CRIM1: variants seen among roughly 807,000 people sequenced by gnomAD.
CRIM1 encodes the protein cysteine-rich motor neuron 1 protein.
In CRIM1, 32 loss-of-function variants were observed where a neutral mutation model predicts 116.4. That is an observed-to-expected ratio of 0.27 (90% CI 0.21 to 0.37). The LOEUF (loss-of-function observed/expected upper bound fraction) is 0.37. CRIM1 is among the 10% of genes least tolerant of loss of function. The pLI is 1.00. For synonymous variants in CRIM1, 590 were observed against 509.2 expected (o/e 1.16, Z -2.13); for missense variants, 1,331 against 1,354.8 (o/e 0.98, Z 0.28).
chr2:36,456,427 A>T lies in CRIM1; in HGVS notation c.870-8107A>T, dbSNP rs531129139. On this transcript the variant is annotated intron_variant, in intron 4 of 16. Coordinates refer to ENST00000280527, the MANE Select transcript of CRIM1 (RefSeq NM_016441.3). ...GGAATAACCTATGTTGCTAAACTAA[A>T]ACTTATTCTCCACTTCCCAGCCCAG... Among the ~76,000 whole-genome samples the T allele has an allele frequency of 7.9e-5, 12 of 152,316 alleles. No individual in the cohort carries two copies. The East Asian group carries it at 1.2e-3, about 15-fold the overall frequency.
At chr2:36,505,849 G>T (rs893363632) in intron 8 of CRIM1, among the ~76,000 whole-genome samples, 7 of 152,146 alleles carry the variant, frequency 4.6e-5, no homozygotes, top group African/African-American at 1.7e-4. Flanking sequence ...AGCAAACATT[G>T]TAAGGAGCAC....
At chr2:36,379,213 A>G (rs1339298380) in intron 1 of CRIM1, 1 of 152,206 alleles carries the variant, frequency 6.6e-6, no homozygotes, top group Non-Finnish European at 1.5e-5. Flanking sequence ...AATGAAATAA[A>G]TTTATCAGTG....
intron 2 of CRIM1, among the ~76,000 whole-genome samples, chr2:36,423,393 C>A (rs1236740826): frequency 1.3e-5 from 2 of 152,214 alleles, no homozygotes; most frequent in Non-Finnish European, 2.9e-5. Context: ...TTGAGACACA[C>A]CCTCTGCTCA....
chr2:36,413,677 C>G (rs2124821240), intron 2 of CRIM1, among the ~76,000 whole-genome samples: 1 of 152,324 alleles, frequency 6.6e-6, no homozygotes, highest in Non-Finnish European at 1.5e-5. Flanking sequence ...TCAGCGATCT[C>G]TTATTTTGAG....
intron 2 of CRIM1, among the ~76,000 whole-genome samples, chr2:36,413,651 T>A (rs1229573271): frequency 6.6e-6 from 1 of 152,208 alleles, no homozygotes; most frequent in African/African-American, 2.4e-5. Context: ...TCAATGGATA[T>A]GTACTAAAAA....
At position 36,428,408 on chromosome 2, in the gene CRIM1, G is replaced by T. The variant is rs146559212; in HGVS notation, c.506-12850G>T. Reference sequence around the variant, plus strand: ...GTAATATTGATTCCCCTATTCTCTTGTAGTTAAAGCTTCAAATCTCTAATT... The same window carrying T: ...GTAATATTGATTCCCCTATTCTCTTTTAGTTAAAGCTTCAAATCTCTAATT... On this transcript the variant is annotated intron_variant, in intron 2 of 16. Coordinates refer to ENST00000280527, the MANE Select transcript of CRIM1 (RefSeq NM_016441.3). Among the ~76,000 whole-genome samples the T allele has an allele frequency of 2.6e-5, 4 of 152,284 alleles. 1 individual carries two copies. In the South Asian group the frequency reaches 6.2e-4, roughly 24 times the overall value.
chr2:36,492,454 G>A (rs1022351276), intron 7 of CRIM1, among the ~76,000 whole-genome samples: 3 of 152,048 alleles, frequency 2.0e-5, no homozygotes, highest in Non-Finnish European at 4.4e-5. Flanking sequence ...TCCAGATTAG[G>A]GAATTTTTGT....
intron 2 of CRIM1, among the ~76,000 whole-genome samples, chr2:36,424,892 C>T (rs773154946): frequency 6.6e-6 from 1 of 152,190 alleles, no homozygotes; most frequent in African/African-American, 2.4e-5. Flanking sequence ...CTGCAGTCAC[C>T]TCTTTGATTA....
chr2:36,374,767 G>A (rs1419512475), intron 1 of CRIM1, among the ~76,000 whole-genome samples: 8 of 152,210 alleles, frequency 5.3e-5, no homozygotes, highest in Admixed American at 4.6e-4. Context: ...ACAGATAGCT[G>A]TGATTGTGTC....
chr2:36,431,554 G>A (rs1460746072), intron 2 of CRIM1, among the ~76,000 whole-genome samples: 1 of 152,048 alleles, frequency 6.6e-6, no homozygotes, highest in Non-Finnish European at 1.5e-5. Flanking sequence ...TAATACCCTT[G>A]GTTTATTGTT....
At chr2:36,423,294 G>T (rs185099498) in intron 2 of CRIM1, among the ~76,000 whole-genome samples, 3 of 152,186 alleles carry the variant, frequency 2.0e-5, no homozygotes, top group East Asian at 1.9e-4. Context: ...ACCACCCAGG[G>T]TTTCCTATAG....
chr2:36,522,411 T>G (rs1665456204), intron 13 of CRIM1, 98 bp downstream of exon 13: 2 of 947,826 alleles, frequency 2.1e-6, no homozygotes, highest in African/African-American at 3.2e-5. Context: ...TTGAAACTGG[T>G]TTTTTCCCTG....
At chr2:36,457,827 TTTAA>T (rs898279391) in intron 4 of CRIM1, among the ~76,000 whole-genome samples, 1 of 152,192 alleles carries the variant, frequency 6.6e-6, no homozygotes, top group African/African-American at 2.4e-5. Context: ...GTACATCGAA[TTTAA>T]TTAAAGTTGC....
chr2:36,442,755 G>A lies in CRIM1; in HGVS notation c.869+20G>A. ...AACAAGGTTAGTTTGCCATTAGTTTGTCAAGTTTTCTCCTCATTTGTTAGC... is the reference window on the plus strand; with the variant it reads ...AACAAGGTTAGTTTGCCATTAGTTTATCAAGTTTTCTCCTCATTTGTTAGC... On this transcript the variant is annotated intron_variant, in intron 4 of 16. Coordinates refer to ENST00000280527, the MANE Select transcript of CRIM1 (RefSeq NM_016441.3). The A allele has an allele frequency of 6.2e-7, 1 of 1,614,000 alleles. No individual in the cohort carries two copies. The highest frequency in any genetic ancestry group is 2.2e-5 in the East Asian group (1 of 44,892).
At chr2:36,486,789 G>A (rs1486716952) in intron 7 of CRIM1, among the ~76,000 whole-genome samples, 1 of 152,172 alleles carries the variant, frequency 6.6e-6, no homozygotes, top group African/African-American at 2.4e-5. Flanking sequence ...ACATAGTCTG[G>A]AATGCTAACT....
At position 36,550,102 on chromosome 2, in the gene CRIM1, A is replaced by G. The variant is rs1667658026; in HGVS notation, c.*1401A>G. 6.6e-6 allele frequency: 1 copy of G among 152,408 alleles called. No homozygotes were observed. The allele number at this position is 152,408 out of a possible 1,614,324, so 9.4% of individuals were successfully genotyped here. On this transcript the variant is annotated 3_prime_UTR_variant, in exon 17 of 17. Coordinates refer to ENST00000280527, the MANE Select transcript of CRIM1 (RefSeq NM_016441.3). ...GCACGCCTTGAGCAGTCAGCATTGC[A>G]CCTGCTATGGAGAAGGGTATTCCTT...
chr2:36,516,626 T>A (rs1196689700), intron 11 of CRIM1, among the ~76,000 whole-genome samples: 1 of 152,104 alleles, frequency 6.6e-6, no homozygotes, highest in Non-Finnish European at 1.5e-5. Context: ...AGGTGAGGGT[T>A]TTCAGACTGT....
At chr2:36,363,550 C>T (rs190779307) in intron 1 of CRIM1, among the ~76,000 whole-genome samples, 3 of 129,812 alleles carry the variant, frequency 2.3e-5, no homozygotes, top group African/African-American at 8.2e-5. Context: ...CCATGACTAT[C>T]TTTTTATACC....
intron 8 of CRIM1, among the ~76,000 whole-genome samples, chr2:36,506,384 A>G (rs79629678): frequency 0.031 from 4,683 of 152,024 alleles, 240 homozygotes; most frequent in African/African-American, 0.11. Flanking sequence ...TTATGACACA[A>G]TGATGTTGAA....
Sources: gnomAD v4.1 joint callset for allele counts (sites outside exome capture counted in the v4.1 genomes callset) on GRCh38, gnomAD v4.1.1 for gene constraint, MANE v1.5 for transcripts, NCBI Gene and HGNC (gene_info 2026-07-23, HGNC 2026-07-21) for gene names.